The following CACNA2D3 variants were observed in gnomAD, a reference collection of about 807,000 sequenced individuals.
CACNA2D3 encodes calcium voltage-gated channel auxiliary subunit alpha2delta 3.
CACNA2D3 carries 60 observed loss-of-function variants against 160.6 expected under a neutral mutation model. The observed-to-expected ratio is 0.37, with a 90% confidence interval of 0.30 to 0.46. CACNA2D3 has a LOEUF of 0.46. Among genes scored for constraint, CACNA2D3 ranks in the 20% least tolerant of loss-of-function variants. The probability of loss-of-function intolerance (pLI) is 1.00; values close to 1 mark genes in which losing one functional copy is unlikely to be tolerated. For synonymous variants in CACNA2D3, 558 were observed against 492.9 expected (o/e 1.13, Z -1.75); for missense variants, 1,205 against 1,365.0 (o/e 0.88, Z 1.85).
At chr3:54,265,232 C>A (rs886100026) in intron 2 of CACNA2D3, among the ~76,000 whole-genome samples, 13 of 152,192 alleles carry the variant, frequency 8.5e-5, no homozygotes, top group African/African-American at 3.1e-4. Flanking sequence ...TTCTCCACAT[C>A]CTCTCCAGCA....
intron 27 of CACNA2D3, among the ~76,000 whole-genome samples, chr3:54,919,165 A>G (rs1700761418): frequency 1.3e-5 from 2 of 152,208 alleles, no homozygotes; most frequent in African/African-American, 4.8e-5. Flanking sequence ...ATGCTCAGAG[A>G]AAACAATGCA....
At chr3:54,351,019 C>T (rs1398790140) in intron 3 of CACNA2D3, among the ~76,000 whole-genome samples, 1 of 100,134 alleles carries the variant, frequency 1.0e-5, no homozygotes, top group Non-Finnish European at 2.0e-5. Context: ...GACAGAGTCT[C>T]ACTGTGTCGC....
At chr3:54,344,349 C>T (rs7426971) in intron 3 of CACNA2D3, among the ~76,000 whole-genome samples, 18,337 of 152,186 alleles carry the variant, frequency 0.12, 1,218 homozygotes, top group South Asian at 0.22. Flanking sequence ...TCTCTGCTCC[C>T]ACCTCAGTGC....
rs552669719 is a variant in CACNA2D3 at position 54,922,987 on chromosome 3, C to T, written c.2449+23119C>T. Among the ~76,000 whole-genome samples the T allele has an allele frequency of 5.3e-5, 8 of 152,286 alleles. 1 individual carries two copies. Among genetic ancestry groups the T allele is most frequent in the African/African-American group, 1.9e-4 (8 of 41,568 alleles). Reference sequence around the variant, plus strand: ...CCAGTTCAGTATTCCAAGTATCTCCCAGCATTGATCATGTCTCACCACCCT... The same window carrying T: ...CCAGTTCAGTATTCCAAGTATCTCCTAGCATTGATCATGTCTCACCACCCT... On this transcript the variant is annotated intron_variant, in intron 27 of 37. Transcript: ENST00000474759.
intron 4 of CACNA2D3, among the ~76,000 whole-genome samples, chr3:54,400,681 T>C (rs1699442840): frequency 6.6e-6 from 1 of 152,146 alleles, no homozygotes; most frequent in African/African-American, 2.4e-5. Flanking sequence ...CAACTGCTTC[T>C]ACTAGGAGCT....
intron 16 of CACNA2D3, among the ~76,000 whole-genome samples, chr3:54,841,670 T>C (rs1311082757): frequency 6.6e-6 from 1 of 152,230 alleles, no homozygotes; most frequent in East Asian, 1.9e-4. Flanking sequence ...TCTTTCTCCC[T>C]TAGCTTCATA....
At chr3:54,404,928 A>T (rs1036985919) in intron 4 of CACNA2D3, among the ~76,000 whole-genome samples, 6 of 151,982 alleles carry the variant, frequency 3.9e-5, no homozygotes, top group Admixed American at 3.3e-4. Flanking sequence ...AAAGTAAAAG[A>T]CATACACTGA....
chr3:54,724,327 T>G (rs1007624894), intron 11 of CACNA2D3, among the ~76,000 whole-genome samples: 1 of 152,170 alleles, frequency 6.6e-6, no homozygotes, highest in Non-Finnish European at 1.5e-5. Flanking sequence ...TGGGAGACTT[T>G]AACACTCCAC....
chr3:54,421,742 A>G, intron 4 of CACNA2D3, among the ~76,000 whole-genome samples: 1 of 152,178 alleles, frequency 6.6e-6, no homozygotes, highest in South Asian at 2.1e-4. Flanking sequence ...TAATGAATGC[A>G]TATGAGAAGA....
intron 4 of CACNA2D3, among the ~76,000 whole-genome samples, chr3:54,470,631 C>T (rs891513641): frequency 2.0e-5 from 3 of 152,140 alleles, no homozygotes; most frequent in African/African-American, 4.8e-5. Flanking sequence ...TTAAAAGACA[C>T]AGACTGGCAA....
In CACNA2D3 at chr3:55,073,811, C is replaced by G. The variant is rs1360960534; in HGVS notation, c.3135C>G (p.Ala1045=). 2 of 1,613,694 alleles carry G rather than the reference C, an allele frequency of 1.2e-6. No individual in the cohort carries two copies. Among genetic ancestry groups the G allele is most frequent in the South Asian group, 1.1e-5 (1 of 91,036 alleles). ...CCCTTAAGTGTGAACGTCTAAAGGC[C>G]CAGAAGATCAGAAGGCGCCCAGAAT... The part of the protein sequence containing the change: ...NESLKCERLK[A]QKIRRRPESC... The change falls in exon 37 of 38, where the codon GCC becomes GCG. Residue 1045 remains alanine (A), a synonymous_variant. Coordinates refer to ENST00000474759, the MANE Select transcript of CACNA2D3 (RefSeq NM_018398.3).
chr3:54,358,224 T>C (rs1447064282), intron 3 of CACNA2D3, among the ~76,000 whole-genome samples: 1 of 152,216 alleles, frequency 6.6e-6, no homozygotes, highest in Non-Finnish European at 1.5e-5. Context: ...CTCCAAAATA[T>C]AAAATTAATT....
At chr3:54,759,395 A>G (rs1360009417) in intron 12 of CACNA2D3, among the ~76,000 whole-genome samples, 4 of 151,670 alleles carry the variant, frequency 2.6e-5, no homozygotes, top group East Asian at 3.9e-4. Context: ...GGAAGTGTCT[A>G]TGGTTACAGC....
chr3:54,394,370 T>G (rs1319305839), intron 4 of CACNA2D3, among the ~76,000 whole-genome samples: 2 of 149,732 alleles, frequency 1.3e-5, no homozygotes, highest in South Asian at 2.1e-4. Flanking sequence ...ATGTGCACAT[T>G]GTGCAGGTTA....
intron 35 of CACNA2D3, among the ~76,000 whole-genome samples, chr3:55,039,832 T>C (rs765206531): frequency 1.3e-5 from 2 of 152,202 alleles, no homozygotes; most frequent in Non-Finnish European, 2.9e-5. Flanking sequence ...CTAGGAAATA[T>C]ATTTTTGTTT....
At chr3:54,878,389 TG>T (rs1575526296) in intron 18 of CACNA2D3, among the ~76,000 whole-genome samples, 1 of 151,814 alleles carries the variant, frequency 6.6e-6, no homozygotes, top group African/African-American at 2.4e-5. Context: ...TGAGGTCAGC[TG>T]GGGGTGGGGG....
intron 11 of CACNA2D3, among the ~76,000 whole-genome samples, chr3:54,678,331 C>A (rs1292744085): frequency 6.6e-6 from 1 of 152,084 alleles, no homozygotes; most frequent in African/African-American, 2.4e-5. Context: ...AGAAGAGGGA[C>A]TGCAAATTGA....
At chr3:54,648,731 C>T (rs1025415014) in intron 11 of CACNA2D3, among the ~76,000 whole-genome samples, 1 of 152,220 alleles carries the variant, frequency 6.6e-6, no homozygotes, top group Admixed American at 6.5e-5. Context: ...ATGGTGCCAG[C>T]ACCTGCTCTG....
chr3:54,930,995 C>A (rs1206653711), intron 27 of CACNA2D3, among the ~76,000 whole-genome samples: 1 of 151,296 alleles, frequency 6.6e-6, no homozygotes, highest in African/African-American at 2.5e-5. Flanking sequence ...ACTCAGGAGG[C>A]TGAGGCAGGA....
Sources: allele counts gnomAD v4.1 joint callset (sites outside exome capture counted in the v4.1 genomes callset), GRCh38; gene constraint gnomAD v4.1.1; transcripts MANE v1.5; gene names NCBI Gene and HGNC (gene_info 2026-07-23, HGNC 2026-07-21).